Variants in DPYD observed in about 807,000 individuals in gnomAD.
The protein encoded by DPYD is dihydropyrimidine dehydrogenase.
DPYD carries 109 observed loss-of-function variants against 116.2 expected under a neutral mutation model. The observed-to-expected ratio is 0.94, with a 90% confidence interval of 0.80 to 1.10. The LOEUF is 1.10. Among genes scored for constraint, DPYD ranks in the 50% least tolerant of loss-of-function variants. DPYD has a pLI of 0.00. For synonymous variants in DPYD, 440 were observed against 432.0 expected, an observed-to-expected ratio of 1.02 and a Z score of -0.23; for missense variants, 1,302 against 1,254.5, an observed-to-expected ratio of 1.04 and a Z score of -0.57.
chr1:97,132,803 T>C lies in DPYD; in HGVS notation c.2623-34171A>G, dbSNP rs565628772. Among the ~76,000 whole-genome samples, 34 of 152,260 alleles carry C rather than the reference T, an allele frequency of 2.2e-4. No individual in the cohort carries two copies. The South Asian group carries it at 7.1e-3, about 32-fold the overall frequency. ...CTACTATTTCATTAGTAAGCAATGA[T>C]GAAGAGAACTTCTATATGCACATTA... On this transcript the variant is annotated intron_variant, in intron 20 of 22. Coordinates refer to ENST00000370192, the MANE Select transcript of DPYD (RefSeq NM_000110.4).
At chr1:97,460,498 A>T (rs955787696) in intron 13 of DPYD, among the ~76,000 whole-genome samples, 1 of 152,154 alleles carries the variant, frequency 6.6e-6, no homozygotes, top group Admixed American at 6.6e-5. Context: ...GCTCAAAAAA[A>T]CGACACCCTG....
chr1:97,323,511 T>C (rs941145398), intron 16 of DPYD, among the ~76,000 whole-genome samples: 6 of 83,182 alleles, frequency 7.2e-5, no homozygotes, highest in African/African-American at 1.3e-4. Context: ...TATGTACATA[T>C]GTGTATATAT....
chr1:97,100,000 T>C (rs1276302166), intron 20 of DPYD, among the ~76,000 whole-genome samples: 1 of 152,118 alleles, frequency 6.6e-6, no homozygotes, highest in Admixed American at 6.6e-5. Flanking sequence ...AACAATGTTA[T>C]GAATGCCAAA....
chr1:97,642,861 C>A (rs1658014137), intron 8 of DPYD, among the ~76,000 whole-genome samples: 1 of 149,582 alleles, frequency 6.7e-6, no homozygotes, highest in Non-Finnish European at 1.5e-5. Context: ...TGCACATGTA[C>A]CCTAAAACTT....
intron 18 of DPYD, among the ~76,000 whole-genome samples, chr1:97,296,375 C>T (rs906073026): frequency 6.6e-6 from 1 of 152,078 alleles, no homozygotes; most frequent in Non-Finnish European, 1.5e-5. Flanking sequence ...CTATAATAAA[C>T]TCCTTCCAGT....
chr1:97,161,444 G>T (rs1274523281), intron 20 of DPYD, among the ~76,000 whole-genome samples: 4 of 152,000 alleles, frequency 2.6e-5, no homozygotes, highest in African/African-American at 9.7e-5. Context: ...AAAAGCATCA[G>T]CAATCATAAC....
chr1:97,727,545 C>A (rs1327330766), intron 4 of DPYD, among the ~76,000 whole-genome samples: 1 of 151,482 alleles, frequency 6.6e-6, no homozygotes, highest in Non-Finnish European at 1.5e-5. Context: ...AGGTAGGGAG[C>A]CCAAGAGAGG....
chr1:97,638,527 T>C (rs1425496509), intron 8 of DPYD, among the ~76,000 whole-genome samples: 2 of 152,164 alleles, frequency 1.3e-5, no homozygotes, highest in Non-Finnish European at 2.9e-5. Context: ...CTCCTGGTAT[T>C]GAGTGAGAGA....
At chr1:97,144,630 AG>A (rs756720718) in intron 20 of DPYD, among the ~76,000 whole-genome samples, 1 of 152,216 alleles carries the variant, frequency 6.6e-6, no homozygotes, top group Non-Finnish European at 1.5e-5. Flanking sequence ...AAAAAGTGAC[AG>A]GGTTGTTGGA....
At chr1:97,139,333 G>A (rs1420364628) in intron 20 of DPYD, among the ~76,000 whole-genome samples, 1 of 151,794 alleles carries the variant, frequency 6.6e-6, no homozygotes, top group Non-Finnish European at 1.5e-5. Flanking sequence ...AGTGTTTTTT[G>A]TTCTTCTGAG....
At chr1:97,850,872 T>C (rs963627532) in intron 2 of DPYD, among the ~76,000 whole-genome samples, 2 of 152,090 alleles carry the variant, frequency 1.3e-5, no homozygotes, top group Admixed American at 6.5e-5. Flanking sequence ...AATGGTGATT[T>C]TTAAAACACA....
intron 13 of DPYD, among the ~76,000 whole-genome samples, chr1:97,462,610 G>A (rs1263638944): frequency 6.6e-6 from 1 of 152,140 alleles, no homozygotes; most frequent in African/African-American, 2.4e-5. Context: ...TCTTAAGACT[G>A]ATGAAACAAA....
At chr1:97,250,499 T>C (rs1194366708) in intron 18 of DPYD, among the ~76,000 whole-genome samples, 3 of 152,058 alleles carry the variant, frequency 2.0e-5, no homozygotes, top group South Asian at 2.1e-4. Context: ...TATCCATCAA[T>C]TGGAGAATGA....
intron 22 of DPYD, among the ~76,000 whole-genome samples, 174 bp downstream of exon 22, chr1:97,082,156 T>C (rs1055838310): frequency 6.6e-6 from 1 of 152,138 alleles, no homozygotes; most frequent in Non-Finnish European, 1.5e-5. Flanking sequence ...ACAAGTTTCC[T>C]TTTAAAAAAA....
At chr1:97,529,764 CTCT>C (rs939276842) in intron 12 of DPYD, among the ~76,000 whole-genome samples, 2 of 86,854 alleles carry the variant, frequency 2.3e-5, no homozygotes, top group Non-Finnish European at 2.4e-5. Context: ...TTCTTTCTTT[CTCT>C]TTCTTCTTTC....
intron 18 of DPYD, among the ~76,000 whole-genome samples, chr1:97,287,638 C>A (rs988663968): frequency 6.6e-6 from 1 of 152,156 alleles, no homozygotes; most frequent in Admixed American, 6.5e-5. Context: ...TAATGGCGAG[C>A]ACCCCTCCCC....
intron 7 of DPYD, among the ~76,000 whole-genome samples, chr1:97,682,426 G>A (rs1290700923): frequency 6.6e-6 from 1 of 151,888 alleles, no homozygotes; most frequent in Admixed American, 6.6e-5. Context: ...CTTCCTTTTT[G>A]TGAATGGGAA....
Position 97,303,986 on chromosome 1 carries a change from G to GTTTTATTAGACTGAGTTAT in DPYD, c.2299+1254_2299+1272dup, listed in dbSNP as rs1454129429. 5.3e-5 allele frequency among the ~76,000 whole-genome samples: 8 copies of GTTTTATTAGACTGAGTTAT among 151,960 alleles called. No individual in the cohort carries two copies. The South Asian group carries it at 6.2e-4, about 12-fold the overall frequency. On this transcript the variant is annotated intron_variant, in intron 18 of 22. Transcript: ENST00000370192. ...CTTTTTCTAATGCTGTAATTTTGTAGTTTTATTAGACTGAGTTATAGTATG... is the reference window on the plus strand; with the variant it reads ...CTTTTTCTAATGCTGTAATTTTGTAGTTTTATTAGACTGAGTTATTTTTATTAGACTGAGTTATAGTATG...
chr1:97,424,067 T>C (rs1271398235), intron 14 of DPYD, among the ~76,000 whole-genome samples: 1 of 152,078 alleles, frequency 6.6e-6, no homozygotes, highest in African/African-American at 2.4e-5. Context: ...TGGTATTTAT[T>C]TTTATCTACT....
Sources: gnomAD v4.1 joint callset for allele counts (sites outside exome capture counted in the v4.1 genomes callset) on GRCh38, gnomAD v4.1.1 for gene constraint, MANE v1.5 for transcripts, NCBI Gene and HGNC (gene_info 2026-07-23, HGNC 2026-07-21) for gene names.